RBM4: variants seen among roughly 807,000 people sequenced by gnomAD.
RBM4 encodes RNA binding motif protein 4, also known as RNA-binding protein 4.
Under a neutral mutation model 29.5 loss-of-function variants are expected in RBM4, and 7 were observed. The observed-to-expected ratio is 0.24, with a 90% CI of 0.14 to 0.45. The LOEUF (loss-of-function observed/expected upper bound fraction) is 0.45, where lower values mean the gene tolerates loss of function less well. RBM4 is among the 20% of genes least tolerant of loss of function. RBM4 has a pLI of 1.00. For synonymous variants in RBM4, 220 were observed against 205.4 expected (o/e 1.07, Z -0.61); for missense variants, 387 against 502.3 (o/e 0.77, Z 2.19).
chr11:66,655,575 C>T (rs1217501694), intron 2 of RBM4, among the ~76,000 whole-genome samples: 1 of 152,174 alleles, frequency 6.6e-6, no homozygotes, highest in African/African-American at 2.4e-5. Context: ...CCATTGCACC[C>T]GGCCTGGGCC....
chr11:66,667,614 T>C (rs1565091856), exon 3 of RBM4: 1 of 152,104 alleles, frequency 6.6e-6, no homozygotes, highest in Non-Finnish European at 1.5e-5. Flanking sequence ...AAGTAAACAT[T>C]TAAAATTTAT....
At chr11:66,661,432 C>G (rs898461010) in intron 2 of RBM4, among the ~76,000 whole-genome samples, 1 of 152,138 alleles carries the variant, frequency 6.6e-6, no homozygotes, top group Admixed American at 6.5e-5. Flanking sequence ...TTTTTCTGCC[C>G]TTAGGACAAG....
chr11:66,652,048 T>A (rs955761348), intron 2 of RBM4, among the ~76,000 whole-genome samples: 13 of 152,066 alleles, frequency 8.5e-5, no homozygotes, highest in African/African-American at 3.1e-4. Flanking sequence ...AATATTAAAA[T>A]AATAATCTGA....
intron 2 of RBM4, among the ~76,000 whole-genome samples, chr11:66,653,236 G>C (rs559660946): frequency 3.3e-5 from 5 of 152,042 alleles, no homozygotes; most frequent in Non-Finnish European, 7.4e-5. Flanking sequence ...CTAATACATG[G>C]ATTTTCTTCT....
At chr11:66,649,746 C>CTA (rs1392682835), downstream of RBM4, 1 of 701,848 alleles carries the variant, frequency 1.4e-6, no homozygotes, top group African/African-American at 1.7e-5. Context: ...ACATCCAGCT[C>CTA]TGTCACCCAA....
At chr11:66,651,127 G>A (rs1938820405), downstream of RBM4, among the ~76,000 whole-genome samples, 1 of 152,270 alleles carries the variant, frequency 6.6e-6, no homozygotes, top group African/African-American at 2.4e-5. Flanking sequence ...AGACTCGGGG[G>A]GGGATGGAGT....
At chr11:66,663,294 C>G (rs1040837722) in intron 2 of RBM4, among the ~76,000 whole-genome samples, 2 of 152,180 alleles carry the variant, frequency 1.3e-5, no homozygotes, top group Non-Finnish European at 2.9e-5. Context: ...AATATTTTAG[C>G]CAAAGCCTAA....
intron 2 of RBM4, among the ~76,000 whole-genome samples, chr11:66,659,531 G>T (rs929934341): frequency 9.9e-5 from 15 of 151,860 alleles, no homozygotes; most frequent in African/African-American, 3.6e-4. Flanking sequence ...TGCCCGCCTT[G>T]GCCTCCCAAC....
At chr11:66,640,461 C>G in intron 2 of RBM4, 1 of 467,876 alleles carries the variant, frequency 2.1e-6, no homozygotes, top group Non-Finnish European at 3.8e-6. Flanking sequence ...TTCAGAGTTC[C>G]TCACTCTGAA....
exon 3 of RBM4, chr11:66,667,533 T>C (rs1409497996): frequency 6.6e-6 from 1 of 152,174 alleles, no homozygotes; most frequent in Non-Finnish European, 1.5e-5. Flanking sequence ...TAGAACAAGA[T>C]GGTCTAGATT....
chr11:66,656,644 A>G (rs959639689), intron 2 of RBM4, among the ~76,000 whole-genome samples: 3 of 152,066 alleles, frequency 2.0e-5, no homozygotes. Flanking sequence ...GTGACAATGT[A>G]CTTTTTTGGG....
At chr11:66,664,196 A>C (rs1484315343) in intron 2 of RBM4, among the ~76,000 whole-genome samples, 1 of 109,238 alleles carries the variant, frequency 9.2e-6, no homozygotes, top group East Asian at 3.0e-4. Flanking sequence ...TTTTTTTGAG[A>C]TGGGAGTACA....
exon 3 of RBM4, chr11:66,666,115 C>A: frequency 1.2e-6 from 1 of 813,890 alleles, no homozygotes; most frequent in Non-Finnish European, 1.9e-6. Flanking sequence ...ACATGTCACA[C>A]TGTCACAGAG....
At chr11:66,640,628 T>C in intron 2 of RBM4, 1 of 171,764 alleles carries the variant, frequency 5.8e-6, no homozygotes, top group Non-Finnish European at 1.2e-5. Context: ...TTTTATATTA[T>C]ACCTGTACCA....
chr11:66,667,092 A>C (rs1939265127), exon 3 of RBM4: 1 of 152,002 alleles, frequency 6.6e-6, no homozygotes, highest in African/African-American at 2.4e-5. Context: ...ATATATACCA[A>C]AGGGATAAGT....
chr11:66,649,766 T>C (rs1938786520), downstream of RBM4: 13 of 701,964 alleles, frequency 1.9e-5, no homozygotes, highest in East Asian at 3.2e-4. Context: ...AGCTGCAGTG[T>C]GGTGGCATGA....
rs183005649 is a variant in RBM4, at chr11:66,643,008, A to G, written c.413-442A>G. On this transcript the variant is annotated intron_variant, in intron 2 of 3. Coordinates refer to ENST00000310092, the MANE Select transcript of RBM4 (RefSeq NM_002896.4). This position sits in a 1 kb window ranked among gnomAD's most constrained non-coding sequence, Gnocchi z 6.1. ...GGAGTCTTTTATTCGGTTCTTTTAA[A>G]TTTTTTGAGGAGGGTGGAGAACTGG... Among the ~76,000 whole-genome samples, 6 of 152,222 alleles carry G rather than the reference A, an allele frequency of 3.9e-5. No homozygotes were observed. The highest frequency in any genetic ancestry group is 3.9e-4 in the Admixed American group (6 of 15,284).
Position 66,640,074 on chromosome 11 carries a change from A to G in RBM4, c.363A>G (p.Ala121=), listed in dbSNP as rs760571997. The part of the protein sequence containing the change: ...KDYAFVHMER[A]EDAVEAIRGL... ...ATGCCTTCGTACACATGGAGCGGGC[A>G]GAGGATGCAGTGGAGGCCATCAGGG... The change falls in exon 2 of 4, where the codon GCA becomes GCG. Residue 121 remains alanine (A), a synonymous_variant. Transcript: ENST00000310092. 1 of 1,614,236 alleles carries G rather than the reference A, an allele frequency of 6.2e-7. No individual in the cohort carries two copies. Among genetic ancestry groups the G allele is most frequent in the South Asian group, 1.1e-5 (1 of 91,088 alleles).
At chr11:66,659,456 C>G (rs986315386) in intron 2 of RBM4, among the ~76,000 whole-genome samples, 1 of 151,484 alleles carries the variant, frequency 6.6e-6, no homozygotes, top group African/African-American at 2.4e-5. Context: ...TCTTTAGATA[C>G]AAAATTTAGA....
Sources: gnomAD v4.1 joint callset for allele counts (sites outside exome capture counted in the v4.1 genomes callset) on GRCh38, gnomAD v4.1.1 for gene constraint, Gnocchi (gnomAD v3.1) non-coding constraint, MANE v1.5 for transcripts, NCBI Gene and HGNC (gene_info 2026-07-23, HGNC 2026-07-21) for gene names.